The following IGSF9B variants were observed in gnomAD, a reference collection of about 807,000 sequenced individuals.
The protein encoded by IGSF9B is immunoglobulin superfamily member 9B.
Under a neutral mutation model 143.7 loss-of-function variants are expected in IGSF9B, and 48 were observed. That is an observed-to-expected ratio of 0.33 (90% CI 0.26 to 0.42). The LOEUF (loss-of-function observed/expected upper bound fraction) is 0.42. IGSF9B is among the 20% of genes least tolerant of loss of function. The pLI, the probability that IGSF9B is intolerant of heterozygous loss-of-function variation, is 1.00. For missense variants in IGSF9B, 1,706 were observed against 1,980.0 expected (o/e 0.86, Z 2.63); for synonymous variants, 903 against 833.1 (o/e 1.08, Z -1.44).
chr11:133,956,093 C>G (rs1378942742), intron 1 of IGSF9B, among the ~76,000 whole-genome samples: 1 of 152,130 alleles, frequency 6.6e-6, no homozygotes, highest in Non-Finnish European at 1.5e-5. Context: ...CAATCCTCCT[C>G]TCACCGGGCG....
chr11:133,914,063 C>G (rs1193036038), intron 18 of IGSF9B, among the ~76,000 whole-genome samples: 1 of 152,176 alleles, frequency 6.6e-6, no homozygotes, highest in Non-Finnish European at 1.5e-5. Context: ...GTGAAACTTC[C>G]AGGGGTGATA....
intron 12 of IGSF9B, 139 bp downstream of exon 12, chr11:133,929,532 A>C: frequency 3.1e-6 from 2 of 635,648 alleles, no homozygotes; most frequent in Non-Finnish European, 5.7e-6. Context: ...GTCTCAACCC[A>C]CCTCAGTCTG....
chr11:133,907,034 C>T lies in IGSF9B; in HGVS notation c.*2035G>A, dbSNP rs1939220266. 6.6e-6 allele frequency among the ~76,000 whole-genome samples: 1 copy of T among 152,150 alleles called. No homozygotes were observed. ...TCTTCCATCTCGCAGAGCTGGTGCC[C>T]AGTGGTCAAGTGGATTCCAACGCCC... On this transcript the variant is annotated 3_prime_UTR_variant, in exon 20 of 20. Transcript: ENST00000533871.
At chr11:133,949,253 C>T (rs545309596) in intron 1 of IGSF9B, among the ~76,000 whole-genome samples, 118 of 152,258 alleles carry the variant, frequency 7.7e-4, no homozygotes, top group African/African-American at 2.7e-3. Context: ...CCTCCACCCT[C>T]GCTCCAAGCC....
At position 133,902,419 on chromosome 11, in the gene IGSF9B, T is replaced by TAC. The variant is rs772430987; in HGVS notation, c.*6648_*6649dup. 4.3e-5 allele frequency among the ~76,000 whole-genome samples: 2 copies of TAC among 46,600 alleles called. No homozygotes were observed. Among genetic ancestry groups the TAC allele is most frequent in the South Asian group, 1.7e-3 (2 of 1,160 alleles). The allele number at this position is 46,600 out of a possible 152,430, so 30.6% of individuals were successfully genotyped here. A position where few individuals can be genotyped will look rare whatever the true frequency, so the allele number is the denominator to read the frequency against. On this transcript the variant is annotated 3_prime_UTR_variant, in exon 20 of 20. Transcript: ENST00000533871. ...TACGCACAACACATACCACACACAA[T>TAC]ACACACACCACACCACACACACCAC...
intron 5 of IGSF9B, 67 bp from the exon 6 acceptor site, chr11:133,936,261 G>T: frequency 6.7e-7 from 1 of 1,501,552 alleles, no homozygotes; most frequent in Non-Finnish European, 9.1e-7. Context: ...CAGGCCTCCT[G>T]GGAGCCCTCA....
At position 133,925,973 on chromosome 11, in the gene IGSF9B, G is replaced by A. The variant is rs544151949; in HGVS notation, c.1808-8C>T. ...GAGTTGTAATAGGGAATGCTGCGGC[G>A]GGGGAAGGAGAAGAACCACAGCGCA... On this transcript the variant is annotated splice_region_variant and splice_polypyrimidine_tract_variant and intron_variant, in intron 13 of 19. Transcript: ENST00000533871. 57 of 1,569,588 alleles carry A rather than the reference G, an allele frequency of 3.6e-5. No individual in the cohort carries two copies. The South Asian group carries it at 4.8e-4, about 13-fold the overall frequency.
At chr11:133,937,547 TACCCTCAA>T (rs1939847740) in intron 4 of IGSF9B, 54 bp from the exon 5 acceptor site, 1 of 1,396,244 alleles carries the variant, frequency 7.2e-7, no homozygotes. Flanking sequence ...CCACCGCTGC[TACCCTCAA>T]ACACGGAGAT....
intron 18 of IGSF9B, among the ~76,000 whole-genome samples, chr11:133,916,050 G>A (rs1020688122): frequency 6.6e-6 from 1 of 152,118 alleles, no homozygotes; most frequent in Non-Finnish European, 1.5e-5. Context: ...TCCTACAGCT[G>A]ACCCAGGACA....
In IGSF9B at chr11:133,897,065, T is replaced by A. The variant is rs1200906293; in HGVS notation, c.*12004A>T. 3 of 152,178 alleles carry A rather than the reference T, an allele frequency of 2.0e-5. No individual in the cohort carries two copies. 9.4% of individuals were successfully genotyped at this position (152,178 alleles called of 1,614,324 possible). A position where few individuals can be genotyped will look rare whatever the true frequency, so the allele number is the denominator to read the frequency against. On this transcript the variant is annotated 3_prime_UTR_variant, in exon 20 of 20. Transcript: ENST00000533871. ...TCCTCCTACTCTTGGAAGTCTGTGATTTGGTGGCTGGGGGTGCCTGCCCAT... is the reference window on the plus strand; with the variant it reads ...TCCTCCTACTCTTGGAAGTCTGTGAATTGGTGGCTGGGGGTGCCTGCCCAT...
Position 133,906,507 on chromosome 11 carries a change from G to A in IGSF9B, c.*2562C>T, listed in dbSNP as rs534982985. 3.3e-5 allele frequency among the ~76,000 whole-genome samples: 5 copies of A among 152,210 alleles called. No individual in the cohort carries two copies. Among genetic ancestry groups the A allele is most frequent in the South Asian group, 2.1e-4 (1 of 4,822 alleles). ...CCACTCGGTGACCAGCGAAAAGCAC[G>A]GCTCCCCGCGTTGGGTCTACGTGCT... On this transcript the variant is annotated 3_prime_UTR_variant, in exon 20 of 20. Transcript: ENST00000533871.
At position 133,909,193 on chromosome 11, in the gene IGSF9B, CTCT is replaced by C. The variant is rs773101160; in HGVS notation, c.4187_4189del (p.Lys1396del). On this transcript the variant is annotated inframe_deletion, in exon 20 of 20. Coordinates refer to ENST00000533871, the MANE Select transcript of IGSF9B (RefSeq NM_001277285.4). This position sits in a 1 kb window ranked among gnomAD's most constrained non-coding sequence, Gnocchi z 4.2. Reference sequence around the variant, plus strand: ...GGCAAAGGGGTCAGGACGAGAATGTCTCTTCTTCTTTCGGAGGCAGACAGCTTC... The same window carrying C: ...GGCAAAGGGGTCAGGACGAGAATGTCTCTTCTTTCGGAGGCAGACAGCTTC... 2.1e-5 allele frequency: 32 copies of C among 1,535,932 alleles called. No individual in the cohort carries two copies. Among genetic ancestry groups the C allele is most frequent in the Middle Eastern group, 1.7e-4 (1 of 5,984 alleles).
intron 18 of IGSF9B, among the ~76,000 whole-genome samples, chr11:133,918,759 T>C (rs1288209671): frequency 1.3e-5 from 2 of 148,328 alleles, no homozygotes; most frequent in Admixed American, 6.7e-5. Flanking sequence ...CTCTGCTCCC[T>C]CCACAGGCGG....
At chr11:133,938,040 A>G (rs931357788) in intron 3 of IGSF9B, 79 bp from the exon 4 acceptor site, 27 of 1,470,612 alleles carry the variant, frequency 1.8e-5, no homozygotes, top group Non-Finnish European at 2.5e-5. Flanking sequence ...TGCCCCACAC[A>G]TCACCCTCGC....
Position 133,898,003 on chromosome 11 carries a change from A to G in IGSF9B, c.*11066T>C, listed in dbSNP as rs1052154036. 2 of 152,248 alleles carry G rather than the reference A, an allele frequency of 1.3e-5. No homozygotes were observed. Among genetic ancestry groups the G allele is most frequent in the African/African-American group, 2.4e-5 (1 of 41,456 alleles). 9.4% of individuals were successfully genotyped at this position (152,248 alleles called of 1,614,324 possible). On this transcript the variant is annotated 3_prime_UTR_variant, in exon 20 of 20. Coordinates refer to ENST00000533871, the MANE Select transcript of IGSF9B (RefSeq NM_001277285.4). The stretch of plus-strand genomic sequence containing the variant: ...CCAAACCCCTAGGGAAAAATCAGAA[A>G]GAAGACAAAATACAGCAAGATATCA...
Position 133,948,019 on chromosome 11 carries a change from CTA to C in IGSF9B, c.65-1763_65-1762del, listed in dbSNP as rs1314631051. On this transcript the variant is annotated intron_variant, in intron 1 of 19. Transcript: ENST00000533871. This position sits in a 1 kb window ranked among gnomAD's most constrained non-coding sequence, Gnocchi z 4.7. ...TGTGTGGGTGACTGTGTCTACCTGCCTATCTCTCTCCCTGTTTCTGTCTACCA... is the reference window on the plus strand; with the variant it reads ...TGTGTGGGTGACTGTGTCTACCTGCCTCTCTCTCCCTGTTTCTGTCTACCA... 1.3e-5 allele frequency among the ~76,000 whole-genome samples: 2 copies of C among 151,620 alleles called. No individual in the cohort carries two copies. Among genetic ancestry groups the C allele is most frequent in the African/African-American group, 4.9e-5 (2 of 41,220 alleles).
Position 133,956,788 on chromosome 11 carries a change from T to A in IGSF9B, c.-34A>T. 1 of 1,382,758 alleles carries A rather than the reference T, an allele frequency of 7.2e-7. No individual in the cohort carries two copies. The highest frequency in any genetic ancestry group is 9.6e-7 in the Non-Finnish European group (1 of 1,040,604). 85.7% of individuals were successfully genotyped at this position (1,382,758 alleles called of 1,614,324 possible). A position where few individuals can be genotyped will look rare whatever the true frequency, so the allele number is the denominator to read the frequency against. ...CGCGCCAGCCCGGAGCCTCATCCTA[T>A]CGCAAAGTGCTCCCGCGCCCGCACG... On this transcript the variant is annotated 5_prime_UTR_variant, in exon 1 of 20. Transcript: ENST00000533871.
At chr11:133,951,279 C>G (rs963344142) in intron 1 of IGSF9B, among the ~76,000 whole-genome samples, 1 of 152,196 alleles carries the variant, frequency 6.6e-6, no homozygotes, top group Non-Finnish European at 1.5e-5. Context: ...TGCGGGAAAG[C>G]CCCCACACCC....
At position 133,948,091 on chromosome 11, in the gene IGSF9B, CTGTG is replaced by C. The variant is rs1940091740; in HGVS notation, c.65-1837_65-1834del. Reference sequence around the variant, plus strand: ...TGTGTGTGTGTGTGTGTGTGTGTGTCTGTGTGTGTTTCGGTTGGCTCATGCAAGG... The same window carrying C: ...TGTGTGTGTGTGTGTGTGTGTGTGTCTGTGTTTCGGTTGGCTCATGCAAGG... On this transcript the variant is annotated intron_variant, in intron 1 of 19. Transcript: ENST00000533871. This position sits in a 1 kb window ranked among gnomAD's most constrained non-coding sequence, Gnocchi z 4.7. Among the ~76,000 whole-genome samples the C allele has an allele frequency of 3.9e-5, 4 of 103,504 alleles. No individual in the cohort carries two copies. Among genetic ancestry groups the C allele is most frequent in the Admixed American group, 1.9e-4 (2 of 10,714 alleles). 67.9% of individuals were successfully genotyped at this position (103,504 alleles called of 152,430 possible).
Sources: gnomAD v4.1 joint callset for allele counts (sites outside exome capture counted in the v4.1 genomes callset) on GRCh38, gnomAD v4.1.1 for gene constraint, Gnocchi (gnomAD v3.1) non-coding constraint, MANE v1.5 for transcripts, NCBI Gene and HGNC (gene_info 2026-07-23, HGNC 2026-07-21) for gene names.